The following CAPN2 variants were observed in gnomAD, a reference collection of about 807,000 sequenced individuals.
The protein encoded by CAPN2 is calpain 2.
A neutral mutation model predicts 102.3 loss-of-function variants in CAPN2; 92 were observed. That is an observed-to-expected ratio of 0.90 (90% CI 0.76 to 1.07). The LOEUF (loss-of-function observed/expected upper bound fraction) is 1.07, where lower values mean the gene tolerates loss of function less well. Ranked by LOEUF, CAPN2 falls within the 50% of genes least tolerant of loss-of-function variation. The probability of loss-of-function intolerance (pLI) is 0.00; values close to 1 mark genes in which losing one functional copy is unlikely to be tolerated. For missense variants in CAPN2, 800 were observed against 909.4 expected (o/e 0.88, Z 1.55); for synonymous variants, 340 against 355.4 (o/e 0.96, Z 0.49).
intron 12 of CAPN2, among the ~76,000 whole-genome samples, chr1:223,761,291 CT>C (rs940195662): frequency 6.6e-6 from 1 of 152,210 alleles, no homozygotes; most frequent in African/African-American, 2.4e-5. Context: ...ATGACCCTTC[CT>C]TCAGATCACT....
chr1:223,763,920 GGGTGTTCTAAA>G (rs1312351201), intron 14 of CAPN2, among the ~76,000 whole-genome samples: 1 of 152,132 alleles, frequency 6.6e-6, no homozygotes, highest in Non-Finnish European at 1.5e-5. Context: ...AGCCCAGCCT[GGGTGTTCTAAA>G]AAGAACCAAA....
At chr1:223,721,928 G>C (rs1660058907) in intron 2 of CAPN2, among the ~76,000 whole-genome samples, 1 of 152,188 alleles carries the variant, frequency 6.6e-6, no homozygotes, top group South Asian at 2.1e-4. Flanking sequence ...AAATTCAAGG[G>C]ACCAGGATTA....
Position 223,755,853 on chromosome 1 carries a change from C to T in CAPN2, c.1305+204C>T, listed in dbSNP as rs1445856360. Among the ~76,000 whole-genome samples the T allele has an allele frequency of 1.3e-5, 2 of 152,230 alleles. No homozygotes were observed. Among genetic ancestry groups the T allele is most frequent in the Non-Finnish European group, 2.9e-5 (2 of 68,028 alleles). ...CAGTGGCTCTGGGTTGTGGGGCCTT[C>T]TAAGCCCTTCACGGGCCCCCCACAG... On this transcript the variant is annotated intron_variant, in intron 10 of 20. Transcript: ENST00000295006. The surrounding 1 kb of genome is among the most constrained non-coding windows in gnomAD (Gnocchi z 4.1).
chr1:223,772,615 G>C (rs992508256), intron 20 of CAPN2: 3 of 214,276 alleles, frequency 1.4e-5, no homozygotes, highest in Non-Finnish European at 2.8e-5. Context: ...GTTTTGGGAA[G>C]ATCCATCATT....
At position 223,706,659 on chromosome 1, in the gene CAPN2, A is replaced by G. The variant is rs559005414; in HGVS notation, c.3+4828A>G. Among the ~76,000 whole-genome samples the G allele has an allele frequency of 2.0e-4, 31 of 152,314 alleles. 2 individuals are homozygous for G. The South Asian group carries it at 5.0e-3, about 24-fold the overall frequency. On this transcript the variant is annotated intron_variant, in intron 1 of 20. Coordinates refer to the CAPN2 transcript ENST00000433674. ...GTTTACTCATCCATTAAATGAGGAGATAAGATCTCCCTTGACTGGCTGTGA... is the reference window on the plus strand; with the variant it reads ...GTTTACTCATCCATTAAATGAGGAGGTAAGATCTCCCTTGACTGGCTGTGA...
chr1:223,702,105 A>AGAAG (rs372361537), intron 1 of CAPN2, among the ~76,000 whole-genome samples: 55,492 of 84,522 alleles, frequency 0.66, 17,579 homozygotes, highest in Non-Finnish European at 0.71. Flanking sequence ...AAAGAAGGAA[A>AGAAG]GAAGGAAGGA....
At chr1:223,716,224 C>T (rs16842040) in intron 1 of CAPN2, among the ~76,000 whole-genome samples, 16,551 of 152,248 alleles carry the variant, frequency 0.11, 1,536 homozygotes, top group African/African-American at 0.23. Flanking sequence ...CCACTCTGAA[C>T]TCTGACTTTT....
rs1469860929 is a variant in CAPN2 at position 223,756,162 on chromosome 1, G to A, written c.1305+513G>A. On this transcript the variant is annotated intron_variant, in intron 10 of 20. Transcript: ENST00000295006. This position sits in a 1 kb window ranked among gnomAD's most constrained non-coding sequence, Gnocchi z 4.1. ...CCAGATCCCTACACAGACTCCTGCTGTATGCGTGTTTTCCTTTCACTCTGA... is the reference window on the plus strand; with the variant it reads ...CCAGATCCCTACACAGACTCCTGCTATATGCGTGTTTTCCTTTCACTCTGA... Among the ~76,000 whole-genome samples, 1 of 152,212 alleles carries A rather than the reference G, an allele frequency of 6.6e-6. No homozygotes were observed. The highest frequency in any genetic ancestry group is 2.4e-5 in the African/African-American group (1 of 41,454).
intron 2 of CAPN2, among the ~76,000 whole-genome samples, chr1:223,738,672 C>G (rs1294908970): frequency 6.6e-6 from 1 of 152,178 alleles, no homozygotes; most frequent in Non-Finnish European, 1.5e-5. Flanking sequence ...ACAGGAGCAG[C>G]CTCCCAGTCA....
intron 18 of CAPN2, 109 bp from the exon 19 acceptor site, chr1:223,771,700 A>G (rs1661474498): frequency 8.0e-6 from 6 of 754,468 alleles, no homozygotes; most frequent in Non-Finnish European, 9.4e-6. Flanking sequence ...AAGGGACAAA[A>G]GCAATTATAC....
intron 5 of CAPN2, 144 bp downstream of exon 5, chr1:223,747,309 C>T: frequency 1.4e-6 from 1 of 712,134 alleles, no homozygotes; most frequent in Middle Eastern, 4.2e-4. Flanking sequence ...AACCTCCCTC[C>T]ACCCTCTGAA....
chr1:223,766,290 A>G (rs1345557489), intron 15 of CAPN2, 77 bp from the exon 16 acceptor site: 5 of 1,060,794 alleles, frequency 4.7e-6, no homozygotes, highest in Non-Finnish European at 7.4e-6. Context: ...GATAAAGAAT[A>G]TCTCCATGAT....
intron 2 of CAPN2, among the ~76,000 whole-genome samples, chr1:223,735,584 A>C (rs1308431961): frequency 6.6e-6 from 1 of 151,346 alleles, no homozygotes; most frequent in Non-Finnish European, 1.5e-5. Flanking sequence ...GCCCCTCCCC[A>C]ACCACCTCTG....
chr1:223,730,336 GA>G (rs1326027085), intron 2 of CAPN2, among the ~76,000 whole-genome samples: 2 of 37,366 alleles, frequency 5.4e-5, no homozygotes, highest in South Asian at 1.6e-3. Flanking sequence ...AAAATATTAT[GA>G]GATTTTTTTT....
At chr1:223,757,316 A>C in intron 10 of CAPN2, 53 bp from the exon 11 acceptor site, 1 of 1,608,464 alleles carries the variant, frequency 6.2e-7, no homozygotes, top group Non-Finnish European at 8.5e-7. Flanking sequence ...ACAGTGATGC[A>C]TTTTCTTACA....
intron 2 of CAPN2, among the ~76,000 whole-genome samples, chr1:223,724,324 T>C (rs905765759): frequency 2.6e-5 from 4 of 152,084 alleles, no homozygotes; most frequent in African/African-American, 9.7e-5. Flanking sequence ...CTAGCAACAC[T>C]GTCTGGATGA....
At chr1:223,736,151 A>AGGGACCCCGCCTCT (rs1660450697) in intron 2 of CAPN2, among the ~76,000 whole-genome samples, 1 of 152,176 alleles carries the variant, frequency 6.6e-6, no homozygotes, top group Non-Finnish European at 1.5e-5. Context: ...CTAGGCCAGC[A>AGGGACCCCGCCTCT]GGGACCCCGC....
intron 2 of CAPN2, among the ~76,000 whole-genome samples, chr1:223,738,180 C>T (rs940974672): frequency 4.6e-5 from 7 of 151,414 alleles, no homozygotes; most frequent in Admixed American, 3.3e-4. Flanking sequence ...TTTTGTGAGA[C>T]GGGGTCTTGT....
At chr1:223,706,777 T>C (rs1659614994) in intron 1 of CAPN2, among the ~76,000 whole-genome samples, 1 of 152,136 alleles carries the variant, frequency 6.6e-6, no homozygotes, top group South Asian at 2.1e-4. Context: ...AAGGAAGCTT[T>C]GGTTAGTATC....
Sources: allele counts gnomAD v4.1 joint callset (sites outside exome capture counted in the v4.1 genomes callset), GRCh38; gene constraint gnomAD v4.1.1; non-coding constraint Gnocchi (gnomAD v3.1); transcripts MANE v1.5; gene names NCBI Gene and HGNC (gene_info 2026-07-23, HGNC 2026-07-21).